Variants in SLC25A48 observed in about 807,000 individuals in gnomAD.
SLC25A48 encodes the protein solute carrier family 25 member 48.
A neutral mutation model predicts 32.2 loss-of-function variants in SLC25A48; 29 were observed. That is an observed-to-expected ratio of 0.90 (90% CI 0.67 to 1.23). The LOEUF (loss-of-function observed/expected upper bound fraction) is 1.23, where lower values mean the gene tolerates loss of function less well. SLC25A48 is among the 50% of genes most tolerant of loss of function. The pLI is 0.00. For synonymous variants in SLC25A48, 164 were observed against 172.3 expected (o/e 0.95, Z 0.38); for missense variants, 399 against 422.7 (o/e 0.94, Z 0.49).
intron 1 of SLC25A48, among the ~76,000 whole-genome samples, chr5:135,608,565 C>T (rs1751994200): frequency 6.6e-6 from 1 of 152,232 alleles, no homozygotes; most frequent in Admixed American, 6.5e-5. Context: ...GGGGCTGCGC[C>T]TGTCTTCTCC....
At position 135,742,634 on chromosome 5, in the gene SLC25A48, C is replaced by T. The variant is rs896632658; in HGVS notation, c.-520-69889C>T. 9 of 623,664 alleles carry T rather than the reference C, an allele frequency of 1.4e-5. No homozygotes were observed. In the African/African-American group the frequency reaches 1.7e-4, roughly 12 times the overall value. 38.6% of individuals were successfully genotyped at this position (623,664 alleles called of 1,614,324 possible). On this transcript the variant is annotated intron_variant, in intron 3 of 10. Transcript: ENST00000646290. ...TTAGGGGATGAGGTTTCTGACCGAA[C>T]CTCGAATGTCACTCTTTCAGTAAGC...
chr5:135,583,566 T>C (rs1751282687), intron 1 of SLC25A48, among the ~76,000 whole-genome samples: 1 of 151,776 alleles, frequency 6.6e-6, no homozygotes, highest in Admixed American at 6.6e-5. Context: ...CTGGCCTTCA[T>C]TGTACATATG....
chr5:135,688,032 T>TGAAGCTCTGTACCCATTAAACAATAGC (rs1754056186), intron 3 of SLC25A48, among the ~76,000 whole-genome samples: 1 of 6,922 alleles, frequency 1.4e-4, no homozygotes, highest in African/African-American at 5.4e-4. Context: ...CATCTTGTAA[T>TGAAGCTCTGTACCCATTAAACAATAGC]TCACCCCTTC....
At chr5:135,702,990 A>G (rs1754427598) in intron 3 of SLC25A48, among the ~76,000 whole-genome samples, 1 of 152,206 alleles carries the variant, frequency 6.6e-6, no homozygotes, top group South Asian at 2.1e-4. Flanking sequence ...ATCATCTCTG[A>G]CAGCCCCTTT....
intron 3 of SLC25A48, among the ~76,000 whole-genome samples, chr5:135,637,560 G>A (rs1752734200): frequency 6.6e-6 from 1 of 152,192 alleles, no homozygotes; most frequent in Admixed American, 6.5e-5. Flanking sequence ...AGATCAAGAT[G>A]AGGAGTATAG....
At chr5:135,852,495 G>A (rs1485565385) in intron 3 of SLC25A48, 68 bp from the exon 4 acceptor site, 12 of 1,533,398 alleles carry the variant, frequency 7.8e-6, no homozygotes, top group Non-Finnish European at 8.8e-6. Context: ...GGTGTACCCC[G>A]TCAGCCTGCA....
intron 1 of SLC25A48, among the ~76,000 whole-genome samples, chr5:135,620,181 T>G (rs1476596223): frequency 6.6e-6 from 1 of 152,170 alleles, no homozygotes; most frequent in Non-Finnish European, 1.5e-5. Context: ...GTGATGCATG[T>G]GGGTGGCTGC....
At chr5:135,617,956 A>C (rs1752227040) in intron 1 of SLC25A48, among the ~76,000 whole-genome samples, 1 of 151,928 alleles carries the variant, frequency 6.6e-6, no homozygotes. Context: ...ATGCAGTTTA[A>C]GTTTGATGTT....
In SLC25A48 at chr5:135,771,742, G is replaced by C. The variant is rs138758770; in HGVS notation, c.-520-40781G>C. Reference sequence around the variant, plus strand: ...ATATTGTTTGTAATATCCAAGGGGAGAGAGGATGATATTACTTCCAATACG... The same window carrying C: ...ATATTGTTTGTAATATCCAAGGGGACAGAGGATGATATTACTTCCAATACG... On this transcript the variant is annotated intron_variant, in intron 3 of 10. Transcript: ENST00000646290. Among the ~76,000 whole-genome samples, 71 of 151,622 alleles carry C rather than the reference G, an allele frequency of 4.7e-4. 2 individuals are homozygous for C. In the East Asian group the frequency reaches 0.014, roughly 29 times the overall value.
intron 7 of SLC25A48, among the ~76,000 whole-genome samples, chr5:135,886,627 AT>A (rs1561567702): frequency 0.048 from 1,288 of 27,044 alleles, 112 homozygotes; most frequent in South Asian, 0.059. Flanking sequence ...ATATATATAT[AT>A]ATATATATAA....
At chr5:135,850,295 C>A in intron 2 of SLC25A48, 130 bp from the exon 3 acceptor site, 1 of 837,376 alleles carries the variant, frequency 1.2e-6, no homozygotes, top group Non-Finnish European at 2.0e-6. Context: ...ACCAGCCTGG[C>A]CAGGACTGAA....
At chr5:135,747,198 T>A (rs1755661943) in intron 3 of SLC25A48, among the ~76,000 whole-genome samples, 3 of 151,970 alleles carry the variant, frequency 2.0e-5, no homozygotes, top group Admixed American at 2.0e-4. Context: ...TATCAGCCTT[T>A]CACTGAGTGA....
At chr5:135,764,728 C>T (rs1756161217) in intron 3 of SLC25A48, among the ~76,000 whole-genome samples, 1 of 145,384 alleles carries the variant, frequency 6.9e-6, no homozygotes, top group Non-Finnish European at 1.5e-5. Context: ...TGATTTTTGT[C>T]TCCATATCAC....
At chr5:135,648,762 G>A (rs1273013148) in intron 3 of SLC25A48, 1 of 152,206 alleles carries the variant, frequency 6.6e-6, no homozygotes, top group African/African-American at 2.4e-5. Context: ...GCATTTTTTT[G>A]TAAGTCTAAA....
At chr5:135,611,435 T>A (rs1276097509) in intron 1 of SLC25A48, among the ~76,000 whole-genome samples, 1 of 127,562 alleles carries the variant, frequency 7.8e-6, no homozygotes, top group Non-Finnish European at 1.5e-5. Context: ...GAATGGAGCT[T>A]GCAGCGAGCT....
chr5:135,707,266 A>G (rs1053252536), intron 3 of SLC25A48, among the ~76,000 whole-genome samples: 1 of 152,178 alleles, frequency 6.6e-6, no homozygotes, highest in East Asian at 1.9e-4. Context: ...CCATCTGATA[A>G]GCCAGCTTTG....
Position 135,630,588 on chromosome 5 carries a change from C to CTTTTTTTTTT in SLC25A48, c.-709+1236_-709+1245dup, listed in dbSNP as rs869088370. 1.0e-4 allele frequency among the ~76,000 whole-genome samples: 6 copies of CTTTTTTTTTT among 58,952 alleles called. 2 individuals are homozygous for CTTTTTTTTTT. Among genetic ancestry groups the CTTTTTTTTTT allele is most frequent in the Admixed American group, 2.8e-4 (1 of 3,536 alleles). 38.7% of individuals were successfully genotyped at this position (58,952 alleles called of 152,430 possible). A position where few individuals can be genotyped will look rare whatever the true frequency, so the allele number is the denominator to read the frequency against. ...AGGGGAAGATGGTTAGGCTGGGCACCTTTTTTTTTTTTTTTTTTTTTTTTT... is the reference window on the plus strand; with the variant it reads ...AGGGGAAGATGGTTAGGCTGGGCACCTTTTTTTTTTTTTTTTTTTTTTTTTTTTTTTTTTT... On this transcript the variant is annotated intron_variant, in intron 2 of 10. Transcript: ENST00000646290.
chr5:135,686,565 C>T (rs943016913), intron 3 of SLC25A48, among the ~76,000 whole-genome samples: 3 of 152,260 alleles, frequency 2.0e-5, no homozygotes, highest in Non-Finnish European at 2.9e-5. Context: ...CTTCATGCTT[C>T]TCATTTGCTG....
At chr5:135,782,082 G>A (rs566629124) in intron 3 of SLC25A48, among the ~76,000 whole-genome samples, 2 of 115,216 alleles carry the variant, frequency 1.7e-5, no homozygotes, top group South Asian at 6.4e-4. Context: ...AATACCCAGG[G>A]CAGAGATTAG....
Sources: gnomAD v4.1 joint callset for allele counts (sites outside exome capture counted in the v4.1 genomes callset) on GRCh38, gnomAD v4.1.1 for gene constraint, MANE v1.5 for transcripts, NCBI Gene and HGNC (gene_info 2026-07-23, HGNC 2026-07-21) for gene names.